The following PTK7 variants were observed in gnomAD, a reference collection of about 807,000 sequenced individuals.
PTK7 encodes the protein protein tyrosine kinase 7 (inactive), also known as inactive tyrosine-protein kinase 7.
A neutral mutation model predicts 116.6 loss-of-function variants in PTK7; 39 were observed. The observed-to-expected ratio is 0.33, with a 90% confidence interval of 0.26 to 0.44. The LOEUF is 0.44. Ranked by LOEUF, PTK7 falls within the 20% of genes least tolerant of loss-of-function variation. PTK7 has a pLI of 1.00. For synonymous variants in PTK7, 546 were observed against 563.6 expected, an observed-to-expected ratio of 0.97 and a Z score of 0.44; for missense variants, 1,169 against 1,425.6, an observed-to-expected ratio of 0.82 and a Z score of 2.90.
chr6:43,100,296 T>C (rs1314053740), intron 1 of PTK7, among the ~76,000 whole-genome samples: 1 of 150,934 alleles, frequency 6.6e-6, no homozygotes, highest in Non-Finnish European at 1.5e-5. Flanking sequence ...GGCAGGAGAA[T>C]GGTGTGAACC....
intron 7 of PTK7, chr6:43,138,595 G>A (rs778502354): frequency 9.9e-5 from 35 of 354,298 alleles, no homozygotes; most frequent in Non-Finnish European, 1.4e-4. Flanking sequence ...CTATGAGTTC[G>A]AGACTGTAGT....
chr6:43,132,242 T>A (rs1769731908), intron 6 of PTK7, 78 bp downstream of exon 6: 1 of 1,530,004 alleles, frequency 6.5e-7, no homozygotes, highest in Non-Finnish European at 8.8e-7. Context: ...AGGCTTCTGT[T>A]TTTACTCAGC....
chr6:43,140,381 A>AG (rs1770325302), intron 10 of PTK7, among the ~76,000 whole-genome samples: 1 of 149,254 alleles, frequency 6.7e-6, no homozygotes, highest in African/African-American at 2.5e-5. Flanking sequence ...TGAACCCAGG[A>AG]GGCGGAGGTG....
chr6:43,091,238 G>A (rs1766941366), intron 1 of PTK7, among the ~76,000 whole-genome samples: 1 of 147,258 alleles, frequency 6.8e-6, no homozygotes, highest in Non-Finnish European at 1.5e-5. Flanking sequence ...TTGGCTCACT[G>A]CAATCTCTGT....
chr6:43,094,865 T>G (rs1168778646), intron 1 of PTK7, among the ~76,000 whole-genome samples: 2 of 145,552 alleles, frequency 1.4e-5, no homozygotes, highest in Non-Finnish European at 3.0e-5. Flanking sequence ...ACCAACATGG[T>G]GAAACCCTGT....
intron 1 of PTK7, among the ~76,000 whole-genome samples, chr6:43,123,507 T>C (rs1769085625): frequency 6.6e-6 from 1 of 151,408 alleles, no homozygotes; most frequent in Non-Finnish European, 1.5e-5. Flanking sequence ...TTTACACATA[T>C]GTGTGTGTAT....
intron 1 of PTK7, among the ~76,000 whole-genome samples, chr6:43,101,362 C>T (rs1402224207): frequency 6.6e-6 from 1 of 151,758 alleles, no homozygotes; most frequent in Non-Finnish European, 1.5e-5. Context: ...ACCATCCTGG[C>T]TAACATGGTG....
intron 1 of PTK7, among the ~76,000 whole-genome samples, chr6:43,084,330 G>A (rs987031766): frequency 3.3e-5 from 5 of 152,016 alleles, no homozygotes; most frequent in African/African-American, 1.2e-4. Context: ...TTTAATAGAG[G>A]CGAGGTCTTG....
chr6:43,146,413 C>G (rs1229127404), intron 16 of PTK7, among the ~76,000 whole-genome samples: 1 of 151,956 alleles, frequency 6.6e-6, no homozygotes, highest in African/African-American at 2.4e-5. Context: ...TCCTTTCTAA[C>G]TGAGACAGCC....
chr6:43,157,367 T>TAAA lies in PTK7; in HGVS notation c.2722-1450_2722-1449insAAA, dbSNP rs1561990635. 1.7e-3 allele frequency among the ~76,000 whole-genome samples: 139 copies of TAAA among 82,450 alleles called. 6 individuals are homozygous for TAAA. Among genetic ancestry groups the TAAA allele is most frequent in the African/African-American group, 6.0e-3 (105 of 17,618 alleles). 54.1% of individuals were successfully genotyped at this position (82,450 alleles called of 152,430 possible). On this transcript the variant is annotated intron_variant, in intron 17 of 19. Coordinates refer to ENST00000230419, the MANE Select transcript of PTK7 (RefSeq NM_002821.5). ...ATATATATATATATATATATATATT[T>TAAA]TTTTTTTTCTTTTTTTTTTTTTTTT...
intron 1 of PTK7, among the ~76,000 whole-genome samples, chr6:43,114,470 TC>T (rs1768381360): frequency 6.6e-6 from 1 of 152,070 alleles, no homozygotes; most frequent in South Asian, 2.1e-4. Flanking sequence ...CCTGTCTGTC[TC>T]TGTCTGTGTG....
chr6:43,078,054 T>G (rs979669944), intron 1 of PTK7, among the ~76,000 whole-genome samples: 2 of 152,232 alleles, frequency 1.3e-5, no homozygotes, highest in Admixed American at 1.3e-4. Context: ...ACAGGCCCCC[T>G]GGCTGTCCTG....
At chr6:43,144,727 G>C in intron 15 of PTK7, 121 bp downstream of exon 15, 1 of 1,271,542 alleles carries the variant, frequency 7.9e-7, no homozygotes, top group South Asian at 1.5e-5. Context: ...GTGGAGGGAA[G>C]CATAGGTAGA....
intron 1 of PTK7, among the ~76,000 whole-genome samples, chr6:43,116,066 C>T (rs1050432642): frequency 1.3e-5 from 2 of 152,132 alleles, no homozygotes; most frequent in African/African-American, 4.8e-5. Context: ...AGCCCCCTCC[C>T]TCAGTCTGGA....
At chr6:43,133,445 C>T (rs746520313) in intron 7 of PTK7, 1 of 152,114 alleles carries the variant, frequency 6.6e-6, no homozygotes, top group Non-Finnish European at 1.5e-5. Flanking sequence ...TGGTGGGGCA[C>T]ACCTGTAATC....
intron 1 of PTK7, among the ~76,000 whole-genome samples, chr6:43,126,399 C>T (rs751958346): frequency 6.6e-6 from 1 of 152,126 alleles, no homozygotes; most frequent in African/African-American, 2.4e-5. Flanking sequence ...CTGATTCTGC[C>T]CATCTGTGTC....
At chr6:43,088,222 C>T (rs1766763482) in intron 1 of PTK7, among the ~76,000 whole-genome samples, 1 of 152,042 alleles carries the variant, frequency 6.6e-6, no homozygotes, top group South Asian at 2.1e-4. Flanking sequence ...GGGAGGATCA[C>T]TTGAACCTGG....
intron 17 of PTK7, among the ~76,000 whole-genome samples, chr6:43,156,622 C>T (rs1365057417): frequency 1.3e-5 from 2 of 151,772 alleles, no homozygotes; most frequent in Non-Finnish European, 2.9e-5. Context: ...AAATAAAGGC[C>T]GGGCACAGTG....
chr6:43,132,470 C>G lies in PTK7; in HGVS notation c.1011C>G (p.Ser337Arg), dbSNP rs373121667. The change falls in exon 7 of 20, where the codon AGC becomes AGG. Residue 337 changes from serine (S) to arginine (R), a missense_variant. Physicochemically the swap from Ser to Arg is moderately radical, Grantham distance 110. Around this residue, in one of 3 missense-constraint regions of PTK7, gnomAD observed 487 missense variants for 549.8 expected, o/e 0.89. Coordinates refer to ENST00000230419, the MANE Select transcript of PTK7 (RefSeq NM_002821.5). The stretch of plus-strand genomic sequence containing the variant: ...AGCCACGGGTGTTTACAGCTGGCAG[C>G]GAGGAGCGTGTGACCTGCCTTCCCC... Reference protein sequence around the residue: ...LFEPRVFTAGSEERVTCLPPK... With the variant: ...LFEPRVFTAGREERVTCLPPK... The G allele has an allele frequency of 2.6e-5, 41 of 1,596,668 alleles. No homozygotes were observed. The African/African-American group carries it at 5.1e-4, about 20-fold the overall frequency.
Sources: allele counts gnomAD v4.1 joint callset (sites outside exome capture counted in the v4.1 genomes callset), GRCh38; gene constraint gnomAD v4.1.1; regional missense constraint gnomAD v4.1.1; transcripts MANE v1.5; gene names NCBI Gene and HGNC (gene_info 2026-07-23, HGNC 2026-07-21).